The following MTMR3 variants were observed in gnomAD, a reference collection of about 807,000 sequenced individuals.
MTMR3 encodes the protein myotubularin related protein 3.
In MTMR3, 32 loss-of-function variants were observed where a neutral mutation model predicts 132.4. The ratio of observed to expected loss-of-function variants is 0.24; its 90% CI spans 0.18 to 0.32. The LOEUF is 0.32. MTMR3 is among the 10% of genes least tolerant of loss of function. The pLI, the probability that MTMR3 is intolerant of heterozygous loss-of-function variation, is 1.00. For missense variants in MTMR3, 1,216 were observed against 1,489.6 expected (o/e 0.82, Z 3.02); for synonymous variants, 556 against 550.3 (o/e 1.01, Z -0.14).
chr22:29,902,458 A>G (rs1227175600), intron 1 of MTMR3, among the ~76,000 whole-genome samples: 19 of 135,892 alleles, frequency 1.4e-4, no homozygotes, highest in African/African-American at 5.2e-4. Context: ...CCCAGGCTGG[A>G]GTGCAGTGGC....
intron 1 of MTMR3, among the ~76,000 whole-genome samples, chr22:29,943,705 A>G (rs1343602161): frequency 6.6e-6 from 1 of 152,166 alleles, no homozygotes; most frequent in Non-Finnish European, 1.5e-5. Context: ...TCATATAGCA[A>G]AATGAGGCTC....
intron 1 of MTMR3, among the ~76,000 whole-genome samples, chr22:29,900,816 T>C (rs2064990103): frequency 6.6e-6 from 1 of 152,092 alleles, no homozygotes; most frequent in Admixed American, 6.6e-5. Context: ...AAGGCTCAAG[T>C]CATACTCCTG....
At chr22:29,896,869 T>TCTCACACACA (rs145703649) in intron 1 of MTMR3, among the ~76,000 whole-genome samples, 18,581 of 138,136 alleles carry the variant, frequency 0.13, 1,401 homozygotes, top group East Asian at 0.18. Context: ...CAGGCTTGTC[T>TCTCACACACA]CACACACACA....
At position 30,026,620 on chromosome 22, in the gene MTMR3, T is replaced by A. The variant is rs1331158050; in HGVS notation, c.*819T>A. Reference sequence around the variant, plus strand: ...CCCACCCTCAGGCATGAGTACAGACTGGTCAAAATGTTTATGCAGTCAAGG... The same window carrying A: ...CCCACCCTCAGGCATGAGTACAGACAGGTCAAAATGTTTATGCAGTCAAGG... On this transcript the variant is annotated 3_prime_UTR_variant, in exon 20 of 20. Coordinates refer to ENST00000401950, the MANE Select transcript of MTMR3 (RefSeq NM_021090.4). 6.5e-6 allele frequency: 1 copy of A among 152,760 alleles called. No individual in the cohort carries two copies. Among genetic ancestry groups the A allele is most frequent in the Non-Finnish European group, 1.5e-5 (1 of 68,132 alleles). The allele number at this position is 152,760 out of a possible 1,614,324, so 9.5% of individuals were successfully genotyped here. A position where few individuals can be genotyped will look rare whatever the true frequency, so the allele number is the denominator to read the frequency against.
chr22:29,926,189 C>T (rs1441451385), intron 1 of MTMR3, among the ~76,000 whole-genome samples: 2 of 152,140 alleles, frequency 1.3e-5, no homozygotes, highest in Admixed American at 6.6e-5. Context: ...AAAGCATTTT[C>T]ATTTTCATCT....
intron 1 of MTMR3, among the ~76,000 whole-genome samples, chr22:29,904,474 T>TA (rs1341746547): frequency 6.6e-6 from 1 of 152,258 alleles, no homozygotes; most frequent in Admixed American, 6.5e-5. Flanking sequence ...TTCTACCACT[T>TA]ACCTGTCTGT....
At chr22:29,921,037 T>A (rs1435298721) in intron 1 of MTMR3, among the ~76,000 whole-genome samples, 1 of 152,088 alleles carries the variant, frequency 6.6e-6, no homozygotes, top group Non-Finnish European at 1.5e-5. Context: ...GGACATCCTG[T>A]TAATACTTTG....
chr22:30,020,863 T>C lies in MTMR3; in HGVS notation c.3204T>C (p.Asn1068=), dbSNP rs1196772268. The C allele has an allele frequency of 1.3e-6, 2 of 1,595,158 alleles. No individual in the cohort carries two copies. Among genetic ancestry groups the C allele is most frequent in the Middle Eastern group, 1.7e-4 (1 of 6,032 alleles). ...ACCTGACCAGCTCCCTACACTTTAA[T>C]GGAGACTTTGGGGATGAGGTGGTGA... ...SQYLTSSLHF[N]GDFGDEVTSI... The change falls in exon 17 of 20, where the codon AAT becomes AAC. Residue 1068 remains asparagine (N), a synonymous_variant. Transcript: ENST00000401950.
Position 29,949,143 on chromosome 22 carries a change from A to C in MTMR3, c.-137-7893A>C, listed in dbSNP as rs9614114. ...CACACACACACACACACACACACAC[A>C]CCCCCCCCCCCCCCCCCGAGGCCCT... is the stretch of plus-strand genomic sequence containing the variant. On this transcript the variant is annotated intron_variant, in intron 1 of 19. Transcript: ENST00000401950. 7.1e-3 allele frequency among the ~76,000 whole-genome samples: 104 copies of C among 14,670 alleles called. 3 individuals are homozygous for C. Among genetic ancestry groups the C allele is most frequent in the African/African-American group, 0.022 (72 of 3,342 alleles). 9.6% of individuals were successfully genotyped at this position (14,670 alleles called of 152,430 possible).
chr22:29,912,943 ATCGAAAGGGTCTTAG>A (rs1488349998), intron 1 of MTMR3, among the ~76,000 whole-genome samples: 1 of 152,112 alleles, frequency 6.6e-6, no homozygotes, highest in Non-Finnish European at 1.5e-5. Context: ...CTGGAGCTCC[ATCGAAAGGGTCTTAG>A]TCAGCCAGGC....
At position 29,988,475 on chromosome 22, in the gene MTMR3, T is replaced by C. The variant is rs1286113778; in HGVS notation, c.211-5T>C. ...TAAGAGGACTTCATTTTTTTAAAAT[T>C]GCAGGTTCCATTACAGCTTATAGAA... On this transcript the variant is annotated splice_polypyrimidine_tract_variant and splice_region_variant and intron_variant, in intron 5 of 19. Transcript: ENST00000401950. 6.2e-7 allele frequency: 1 copy of C among 1,608,364 alleles called. No individual in the cohort carries two copies. The highest frequency in any genetic ancestry group is 8.5e-7 in the Non-Finnish European group (1 of 1,176,648).
intron 1 of MTMR3, among the ~76,000 whole-genome samples, chr22:29,935,722 ATCTCT>A (rs1174833467): frequency 1.3e-5 from 2 of 148,240 alleles, no homozygotes; most frequent in African/African-American, 5.0e-5. Context: ...TGATTGAATG[ATCTCT>A]TCTCTCCATG....
chr22:30,001,237 A>G (rs2067165481), intron 8 of MTMR3: 1 of 152,272 alleles, frequency 6.6e-6, no homozygotes, highest in Non-Finnish European at 1.5e-5. Context: ...TAAAAATACA[A>G]AAAAATTAGC....
At chr22:29,906,405 C>T (rs1275696355) in intron 1 of MTMR3, among the ~76,000 whole-genome samples, 2 of 151,980 alleles carry the variant, frequency 1.3e-5, no homozygotes, top group Admixed American at 6.6e-5. Context: ...GATCTTGGCT[C>T]ACTGCAATCT....
At chr22:29,975,866 A>G (rs1349687761) in intron 3 of MTMR3, among the ~76,000 whole-genome samples, 1 of 152,212 alleles carries the variant, frequency 6.6e-6, no homozygotes, top group East Asian at 1.9e-4. Flanking sequence ...GTAGCCCCCC[A>G]AAGTGCTGAG....
At chr22:30,022,439 C>T (rs944655708) in intron 18 of MTMR3, 170 bp from the exon 19 acceptor site, 2 of 649,170 alleles carry the variant, frequency 3.1e-6, no homozygotes, top group African/African-American at 3.6e-5. Context: ...GAGTCCCCTC[C>T]AGGGAAACGA....
rs527616001 is a variant in MTMR3 at position 29,893,443 on chromosome 22, G to A, written c.-138+10084G>A. On this transcript the variant is annotated intron_variant, in intron 1 of 19. Coordinates refer to ENST00000401950, the MANE Select transcript of MTMR3 (RefSeq NM_021090.4). ...AACATACTCATTAGTTGGTCTTTGC[G>A]TACATAATGGTTCCCAAAACATGGA... Among the ~76,000 whole-genome samples the A allele has an allele frequency of 7.2e-5, 11 of 152,210 alleles. No individual in the cohort carries two copies. The East Asian group carries it at 1.2e-3, about 16-fold the overall frequency.
At chr22:30,008,664 T>C (rs41156) in intron 11 of MTMR3, 142,204 of 201,534 alleles carry the variant, frequency 0.71, 51,609 homozygotes, top group African/African-American at 0.87. Context: ...CATTGTTCTG[T>C]GGAGTTCTTT....
chr22:29,944,485 C>T (rs1000614890), intron 1 of MTMR3, among the ~76,000 whole-genome samples: 20 of 151,906 alleles, frequency 1.3e-4, no homozygotes, highest in African/African-American at 4.8e-4. Context: ...TTCTTCCTAC[C>T]CCCACAAGAA....
Sources: gnomAD v4.1 joint callset for allele counts (sites outside exome capture counted in the v4.1 genomes callset) on GRCh38, gnomAD v4.1.1 for gene constraint, MANE v1.5 for transcripts, NCBI Gene and HGNC (gene_info 2026-07-23, HGNC 2026-07-21) for gene names.